The following C8A variants were observed in gnomAD, a reference collection of about 807,000 sequenced individuals.
The protein encoded by C8A is complement component C8 alpha chain.
Under a neutral mutation model 65.3 loss-of-function variants are expected in C8A, and 67 were observed. That is an observed-to-expected ratio of 1.03 (90% CI 0.84 to 1.26). The LOEUF (loss-of-function observed/expected upper bound fraction) is 1.26, where lower values mean the gene tolerates loss of function less well. Ranked by LOEUF, C8A falls within the 50% of genes most tolerant of loss-of-function variation. The pLI is 0.00. For missense variants in C8A, 781 were observed against 723.9 expected (o/e 1.08, Z -0.90); for synonymous variants, 290 against 259.4 (o/e 1.12, Z -1.13).
chr1:56,855,639 T>G (rs1643966923), intron 1 of C8A, among the ~76,000 whole-genome samples: 1 of 145,510 alleles, frequency 6.9e-6, no homozygotes, highest in African/African-American at 2.7e-5. Flanking sequence ...TTCATGGGTT[T>G]TTTTTTTTTG....
chr1:56,861,359 G>A (rs1451090152), intron 1 of C8A, among the ~76,000 whole-genome samples: 3 of 152,164 alleles, frequency 2.0e-5, no homozygotes, highest in Non-Finnish European at 4.4e-5. Flanking sequence ...AAAAAAGGAA[G>A]TGGGCACATT....
At chr1:56,892,251 C>T (rs1019882831) in intron 7 of C8A, among the ~76,000 whole-genome samples, 1 of 152,070 alleles carries the variant, frequency 6.6e-6, no homozygotes, top group African/African-American at 2.4e-5. Flanking sequence ...ATAGAGACAC[C>T]ACCATCCTCC....
chr1:56,911,031 A>T (rs922342718), intron 9 of C8A, among the ~76,000 whole-genome samples: 1 of 151,112 alleles, frequency 6.6e-6, no homozygotes, highest in Non-Finnish European at 1.5e-5. Flanking sequence ...CATGCTGAAG[A>T]TAACCACATA....
chr1:56,890,273 C>A (rs1337626714), intron 7 of C8A, among the ~76,000 whole-genome samples: 2 of 152,104 alleles, frequency 1.3e-5, no homozygotes, highest in Non-Finnish European at 2.9e-5. Flanking sequence ...TAGGGGCATC[C>A]CCACCTCTGT....
chr1:56,879,197 C>T (rs1385600905), intron 4 of C8A, among the ~76,000 whole-genome samples: 2 of 152,114 alleles, frequency 1.3e-5, no homozygotes, highest in African/African-American at 2.4e-5. Flanking sequence ...TTTCCAACTC[C>T]TCATCTATAG....
intron 1 of C8A, among the ~76,000 whole-genome samples, chr1:56,855,692 T>C (rs1309468373): frequency 1.3e-5 from 2 of 151,954 alleles, no homozygotes; most frequent in Non-Finnish European, 2.9e-5. Context: ...AGCAGTCCTT[T>C]ATTTCACCTT....
At chr1:56,907,030 G>A (rs546653327) in intron 8 of C8A, among the ~76,000 whole-genome samples, 1 of 152,238 alleles carries the variant, frequency 6.6e-6, no homozygotes, top group African/African-American at 2.4e-5. Context: ...TAGATTTCAA[G>A]GGTTAGACAA....
At chr1:56,875,967 G>T (rs1557701414) in intron 3 of C8A, 95 bp from the exon 4 acceptor site, 8 of 1,481,214 alleles carry the variant, frequency 5.4e-6, no homozygotes, top group Non-Finnish European at 7.4e-6. Context: ...ACAGATGGGA[G>T]GTTTATTTCT....
chr1:56,859,652 A>C (rs752073020), intron 1 of C8A, among the ~76,000 whole-genome samples: 6 of 152,234 alleles, frequency 3.9e-5, no homozygotes, highest in Non-Finnish European at 8.8e-5. Flanking sequence ...TTCATTCAAT[A>C]AATAAATATT....
In C8A at chr1:56,867,623, C is replaced by A. The variant is rs573892177; in HGVS notation, c.92C>A (p.Ala31Glu). The change falls in exon 2 of 11, where the codon GCA (alanine) becomes GAA (glutamate). Residue 31 changes from alanine to glutamate, a missense_variant. By Grantham distance (107) the Ala-to-Glu change is moderately radical. Coordinates refer to ENST00000361249, the MANE Select transcript of C8A (RefSeq NM_000562.3). ...QEKVNQRVRR[A>E]ATPAAVTCQL... Reference sequence around the variant, plus strand: ...CCTTTCTTTAGGAGAGTAAGACGGGCAGCTACACCCGCAGCAGTTACCTGC... The same window carrying A: ...CCTTTCTTTAGGAGAGTAAGACGGGAAGCTACACCCGCAGCAGTTACCTGC... 24 of 1,613,418 alleles carry A rather than the reference C, an allele frequency of 1.5e-5. No homozygotes were observed. The highest frequency in any genetic ancestry group is 1.8e-5 in the Non-Finnish European group (21 of 1,179,508).
rs565511580 is a variant in C8A at position 56,904,158 on chromosome 1, G to C, written c.1097-2509G>C. 2.0e-5 allele frequency among the ~76,000 whole-genome samples: 3 copies of C among 152,162 alleles called. No individual in the cohort carries two copies. The East Asian group carries it at 5.8e-4, about 29-fold the overall frequency. ...CCAACTCTTTCTGTTTATCTCTCTGGTTCTGCGTCCTGGCTTCCAATGCCA... is the reference window on the plus strand; with the variant it reads ...CCAACTCTTTCTGTTTATCTCTCTGCTTCTGCGTCCTGGCTTCCAATGCCA... On this transcript the variant is annotated intron_variant, in intron 7 of 10. Coordinates refer to ENST00000361249, the MANE Select transcript of C8A (RefSeq NM_000562.3).
chr1:56,862,132 G>T (rs1223241740), intron 1 of C8A, among the ~76,000 whole-genome samples: 1 of 152,162 alleles, frequency 6.6e-6, no homozygotes. Context: ...CGTTGACAAG[G>T]TTAGAGTGAT....
At chr1:56,863,305 T>C (rs1644052175) in intron 1 of C8A, among the ~76,000 whole-genome samples, 1 of 152,204 alleles carries the variant, frequency 6.6e-6, no homozygotes, top group African/African-American at 2.4e-5. Context: ...TGGTATTGGC[T>C]AAAAGGTTGG....
intron 7 of C8A, among the ~76,000 whole-genome samples, chr1:56,900,994 A>G (rs746583376): frequency 3.7e-4 from 56 of 152,352 alleles, no homozygotes; most frequent in African/African-American, 1.0e-3. Context: ...GAGAAGCTCA[A>G]TGAAAGAGAT....
At chr1:56,908,262 A>T in intron 9 of C8A, 149 bp downstream of exon 9, 1 of 956,426 alleles carries the variant, frequency 1.0e-6, no homozygotes, top group Non-Finnish European at 1.6e-6. Context: ...CTTGTGCCTG[A>T]CTCCAGGGAG....
intron 7 of C8A, among the ~76,000 whole-genome samples, chr1:56,904,732 C>T (rs1215644594): frequency 6.6e-6 from 1 of 152,156 alleles, no homozygotes; most frequent in Non-Finnish European, 1.5e-5. Flanking sequence ...TCTAAGAGTG[C>T]TTGGGCTCTC....
intron 4 of C8A, among the ~76,000 whole-genome samples, chr1:56,879,372 G>A (rs1300979892): frequency 6.6e-6 from 1 of 152,164 alleles, no homozygotes; most frequent in Non-Finnish European, 1.5e-5. Context: ...GAACTTCTTT[G>A]ACTACACCTT....
chr1:56,887,974 G>T (rs1469792101), intron 7 of C8A, among the ~76,000 whole-genome samples: 1 of 152,020 alleles, frequency 6.6e-6, no homozygotes, highest in Non-Finnish European at 1.5e-5. Context: ...CACACACCAG[G>T]GCCTGTCGGG....
At position 56,854,945 on chromosome 1, in the gene C8A, A is replaced by G; in HGVS notation, c.44A>G (p.Gln15Arg). 1 of 1,613,858 alleles carries G rather than the reference A, an allele frequency of 6.2e-7. No homozygotes were observed. The highest frequency in any genetic ancestry group is 8.5e-7 in the Non-Finnish European group (1 of 1,179,900). The part of the protein sequence containing the change: ...VFFILSLMTC[Q>R]PGVTAQEKVN... The stretch of plus-strand genomic sequence containing the variant: ...TTCATCTTGTCTTTGATGACTTGTC[A>G]GCCTGGGGTAACTGCACAGGAGAAG... The change falls in exon 1 of 11, where the codon CAG (glutamine) becomes CGG (arginine). Residue 15 changes from glutamine (Q) to arginine (R), a missense_variant. Gln to Arg is a conservative substitution (Grantham distance 43, BLOSUM62 1). Transcript: ENST00000361249.
Sources: gnomAD v4.1 joint callset for allele counts (sites outside exome capture counted in the v4.1 genomes callset) on GRCh38, gnomAD v4.1.1 for gene constraint, MANE v1.5 for transcripts, NCBI Gene and HGNC (gene_info 2026-07-23, HGNC 2026-07-21) for gene names.